Variants in COL18A1 observed in about 807,000 individuals in gnomAD.
COL18A1 encodes collagen alpha-1(XVIII) chain.
COL18A1 carries 133 observed loss-of-function variants against 168.0 expected under a neutral mutation model. The ratio of observed to expected loss-of-function variants is 0.79; its 90% CI spans 0.69 to 0.91. The LOEUF is 0.91. COL18A1 is among the 40% of genes least tolerant of loss of function. COL18A1 has a pLI of 0.00. For synonymous variants in COL18A1, 949 were observed against 809.0 expected, an observed-to-expected ratio of 1.17 and a Z score of -2.94; for missense variants, 2,126 against 1,925.4, an observed-to-expected ratio of 1.10 and a Z score of -1.95.
chr21:45,405,935 C>T (rs1020572798), intron 2 of COL18A1, among the ~76,000 whole-genome samples: 2 of 151,910 alleles, frequency 1.3e-5, no homozygotes, highest in African/African-American at 4.8e-5. Flanking sequence ...CGGGCCGGGC[C>T]TTGTGCGCCT....
At chr21:45,406,976 CTG>C (rs2123489973) in intron 2 of COL18A1, among the ~76,000 whole-genome samples, 1 of 152,366 alleles carries the variant, frequency 6.6e-6, no homozygotes, top group South Asian at 2.1e-4. Context: ...CTCAAGCACT[CTG>C]GGGCAGGAAG....
chr21:45,458,312 T>C (rs1321470592), intron 2 of COL18A1, among the ~76,000 whole-genome samples: 1 of 149,306 alleles, frequency 6.7e-6, no homozygotes, highest in Non-Finnish European at 1.5e-5. Flanking sequence ...GCAGGGACCG[T>C]GCCCACGGCT....
At chr21:45,506,741 T>TTCTAGAGCCCTCCCACCTTCCC (rs1568945676) in intron 37 of COL18A1, 5 of 144,722 alleles carry the variant, frequency 3.5e-5, no homozygotes, top group Non-Finnish European at 7.8e-5. Context: ...CCCACCTTCC[T>TTCTAGAGCCCTCCCACCTTCCC]TCTAGAGCCC....
intron 14 of COL18A1, chr21:45,482,351 G>C (rs540170799): frequency 1.5e-6 from 1 of 678,432 alleles, no homozygotes; most frequent in Non-Finnish European, 2.7e-6. Flanking sequence ...GCAAGGAGCC[G>C]GGGCCCCAGG....
chr21:45,497,897 G>A lies in COL18A1; in HGVS notation c.2683+236G>A, dbSNP rs893144050. 8.1e-6 allele frequency: 5 copies of A among 616,584 alleles called. No individual in the cohort carries two copies. In the East Asian group the frequency reaches 1.4e-4, roughly 17 times the overall value. The allele number at this position is 616,584 out of a possible 1,614,324, so 38.2% of individuals were successfully genotyped here. ...CAGCAAGATAGCCCCATCACCTCCT[G>A]AGGAGCAGATGGCTGCCCTTCCATG... On this transcript the variant is annotated intron_variant, in intron 32 of 41. Transcript: ENST00000651438.
chr21:45,492,640 G>T, intron 23 of COL18A1, 47 bp from the exon 24 acceptor site: 4 of 1,610,556 alleles, frequency 2.5e-6, no homozygotes, highest in Non-Finnish European at 2.5e-6. Context: ...CCGGGCAGGC[G>T]CGAGGGTGCG....
Position 45,471,591 on chromosome 21 carries a change from G to C in COL18A1, c.652-2304G>C, listed in dbSNP as rs112646317. Among the ~76,000 whole-genome samples, 1 of 152,116 alleles carries C rather than the reference G, an allele frequency of 6.6e-6. No individual in the cohort carries two copies. Among genetic ancestry groups the C allele is most frequent in the African/African-American group, 2.4e-5 (1 of 41,420 alleles). The stretch of plus-strand genomic sequence containing the variant: ...CTCCGGAGCATTGGTTGTGTTCCTC[G>C]TCCTAAGAGTCCTTGGGCGTTGTTG... On this transcript the variant is annotated intron_variant, in intron 3 of 41. Transcript: ENST00000651438. The surrounding 1 kb of genome is among the most constrained non-coding windows in gnomAD (Gnocchi z 4.4).
At chr21:45,487,578 C>G in intron 17 of COL18A1, 69 bp downstream of exon 17, 1 of 1,586,652 alleles carries the variant, frequency 6.3e-7, no homozygotes, top group South Asian at 1.1e-5. Context: ...AGGAGAGTGT[C>G]CCTGAGAGCC....
chr21:45,496,163 C>T (rs2036537435), intron 29 of COL18A1: 1 of 478,678 alleles, frequency 2.1e-6, no homozygotes, highest in Non-Finnish European at 4.0e-6. Flanking sequence ...AAGGTGTCCA[C>T]TCTGCTGTCT....
At chr21:45,453,821 C>T (rs796976029) in intron 2 of COL18A1, among the ~76,000 whole-genome samples, 2 of 152,152 alleles carry the variant, frequency 1.3e-5, no homozygotes, top group Admixed American at 6.5e-5. Flanking sequence ...CATTGCTAGG[C>T]GTAATCAGTT....
intron 29 of COL18A1, 184 bp downstream of exon 29, chr21:45,495,616 G>A (rs1335312400): frequency 1.7e-6 from 1 of 596,532 alleles, no homozygotes; most frequent in East Asian, 3.0e-5. Context: ...ACGCACACGT[G>A]TGCCCAAACA....
In COL18A1 at chr21:45,497,527, G is replaced by A. The variant is rs534590031; in HGVS notation, c.2621-72G>A. 77 of 1,541,124 alleles carry A rather than the reference G, an allele frequency of 5.0e-5. No homozygotes were observed. The African/African-American group carries it at 6.6e-4, about 13-fold the overall frequency. On this transcript the variant is annotated intron_variant, in intron 31 of 41. Coordinates refer to ENST00000651438, the MANE Select transcript of COL18A1 (RefSeq NM_001379500.1). ...AGGCCCCCAGGCACTAGGGCATTTC[G>A]GGCAGGAGGGGCACCACCCTGGAGT...
At position 45,473,986 on chromosome 21, in the gene COL18A1, G is replaced by A; in HGVS notation, c.738+5G>A. The A allele has an allele frequency of 6.3e-7, 1 of 1,583,574 alleles. No individual in the cohort carries two copies. Among genetic ancestry groups the A allele is most frequent in the Non-Finnish European group, 8.6e-7 (1 of 1,164,012 alleles). ...GAAGGCGATGACTCAGATGGGGTGA[G>A]TGACATCTGGGGCACGGGTGGGGTC... is the stretch of plus-strand genomic sequence containing the variant. On this transcript the variant is annotated splice_donor_5th_base_variant and intron_variant, in intron 4 of 41. Coordinates refer to ENST00000651438, the MANE Select transcript of COL18A1 (RefSeq NM_001379500.1). The surrounding 1 kb of genome is among the most constrained non-coding windows in gnomAD (Gnocchi z 4.0).
At chr21:45,510,304 AC>A in intron 40 of COL18A1, 43 bp downstream of exon 40, 1 of 1,553,632 alleles carries the variant, frequency 6.4e-7, no homozygotes. Flanking sequence ...CTCGGCCCCC[AC>A]TTGACCTCTG....
At position 45,425,661 on chromosome 21, in the gene COL18A1, C is replaced by T. The variant is rs1374627221; in HGVS notation, c.106+20188C>T. On this transcript the variant is annotated intron_variant, in intron 2 of 41. Transcript: ENST00000651438. This position sits in a 1 kb window ranked among gnomAD's most constrained non-coding sequence, Gnocchi z 4.1. ...CTCTCGTCGTCCAGCCTCCCCGGCT[C>T]CTCAGGGGGAGGTTCGGGGCCTTTG... Among the ~76,000 whole-genome samples the T allele has an allele frequency of 2.6e-5, 4 of 152,138 alleles. No individual in the cohort carries two copies. The highest frequency in any genetic ancestry group is 7.2e-5 in the African/African-American group (3 of 41,432).
At position 45,482,798 on chromosome 21, in the gene COL18A1, G is replaced by A. The variant is rs980331086; in HGVS notation, c.1678G>A (p.Glu560Lys). 3 of 1,614,064 alleles carry A rather than the reference G, an allele frequency of 1.9e-6. No homozygotes were observed. The highest frequency in any genetic ancestry group is 2.5e-6 in the Non-Finnish European group (3 of 1,180,042). ...GRTGQKGSLGEAGAPGHKGSK... is the reference protein window; with the variant it reads ...GRTGQKGSLGKAGAPGHKGSK... ...AATCCTGCTCTTTTCCGTACAGGGT[G>A]AAGCAGGCGCCCCAGGACATAAGGT... The change falls in exon 15 of 42, where the codon GAA becomes AAA. Residue 560 changes from glutamate to lysine, a missense_variant. Physicochemically the swap from Glu to Lys is moderately conservative, Grantham distance 56. Coordinates refer to ENST00000651438, the MANE Select transcript of COL18A1 (RefSeq NM_001379500.1).
intron 8 of COL18A1, 137 bp from the exon 9 acceptor site, chr21:45,478,190 G>C: frequency 8.8e-7 from 1 of 1,142,844 alleles, no homozygotes; most frequent in South Asian, 1.3e-5. Flanking sequence ...GGCTCCTGGC[G>C]CGGGTGCGAG....
At chr21:45,439,014 C>A (rs947315585) in intron 2 of COL18A1, among the ~76,000 whole-genome samples, 2 of 152,202 alleles carry the variant, frequency 1.3e-5, no homozygotes, top group Non-Finnish European at 2.9e-5. Context: ...TTGGCAGGGC[C>A]GTTCCCAGCG....
At chr21:45,456,064 G>C in intron 2 of COL18A1, 1 of 1,605,246 alleles carries the variant, frequency 6.2e-7, no homozygotes, top group Non-Finnish European at 8.5e-7. Flanking sequence ...CTAGCTCTCC[G>C]GGCGCCCACA....
Sources: gnomAD v4.1 joint callset for allele counts (sites outside exome capture counted in the v4.1 genomes callset) on GRCh38, gnomAD v4.1.1 for gene constraint, Gnocchi (gnomAD v3.1) non-coding constraint, MANE v1.5 for transcripts, NCBI Gene and HGNC (gene_info 2026-07-23, HGNC 2026-07-21) for gene names.